The following VPS13D variants were observed in gnomAD, a reference collection of about 807,000 sequenced individuals.
VPS13D encodes intermembrane lipid transfer protein VPS13D.
VPS13D carries 187 observed loss-of-function variants against 461.9 expected under a neutral mutation model. That is an observed-to-expected ratio of 0.40 (90% CI 0.36 to 0.46). The LOEUF (loss-of-function observed/expected upper bound fraction) is 0.46, where lower values mean the gene tolerates loss of function less well. Among genes scored for constraint, VPS13D ranks in the 20% least tolerant of loss-of-function variants. The pLI, the probability that VPS13D is intolerant of heterozygous loss-of-function variation, is 0.60. For synonymous variants in VPS13D, 1,951 were observed against 1,986.3 expected (o/e 0.98, Z 0.47); for missense variants, 4,711 against 5,364.9 (o/e 0.88, Z 3.81).
intron 63 of VPS13D, among the ~76,000 whole-genome samples, chr1:12,408,375 G>A (rs1644682122): frequency 1.3e-5 from 2 of 151,978 alleles, no homozygotes; most frequent in African/African-American, 4.8e-5. Context: ...GGACTTTTTT[G>A]CGGGGTGGGG....
chr1:12,392,123 G>A (rs1018186809), intron 60 of VPS13D, among the ~76,000 whole-genome samples: 4 of 152,066 alleles, frequency 2.6e-5, no homozygotes, highest in Non-Finnish European at 5.9e-5. Context: ...AGGCCTCCCA[G>A]GGTCCTGGGA....
intron 68 of VPS13D, among the ~76,000 whole-genome samples, chr1:12,504,797 A>G (rs1013984700): frequency 1.3e-5 from 2 of 152,180 alleles, no homozygotes; most frequent in Non-Finnish European, 2.9e-5. Context: ...TCTGTTTGAA[A>G]GCCTATAGAA....
chr1:12,500,155 A>C, intron 68 of VPS13D: 1 of 985,072 alleles, frequency 1.0e-6, no homozygotes, highest in Non-Finnish European at 1.2e-6. Flanking sequence ...ATTCTCCCAG[A>C]TCGAGTTGCA....
At position 12,374,863 on chromosome 1, in the gene VPS13D, G is replaced by A. The variant is rs1055707950; in HGVS notation, c.10917+1005G>A. Among the ~76,000 whole-genome samples the A allele has an allele frequency of 4.6e-5, 7 of 152,126 alleles. No homozygotes were observed. In the East Asian group the frequency reaches 9.7e-4, roughly 21 times the overall value. ...AGTGATTCTCCTGCCTCAGCCTCCC[G>A]AGTAGCTGGGACTACAGGAGCCCAC... On this transcript the variant is annotated intron_variant, in intron 55 of 69. Coordinates refer to ENST00000620676, the MANE Select transcript of VPS13D (RefSeq NM_015378.4).
rs764472021 is a variant in VPS13D, at chr1:12,314,087, C to G, written c.6936-28C>G. The G allele has an allele frequency of 5.0e-6, 8 of 1,601,872 alleles. No homozygotes were observed. The Admixed American group carries it at 1.3e-4, about 27-fold the overall frequency. On this transcript the variant is annotated intron_variant, in intron 29 of 69. Coordinates refer to ENST00000620676, the MANE Select transcript of VPS13D (RefSeq NM_015378.4). ...AAAATGGAAGAGTTGTGTTTCACAT[C>G]TTGCTTGCTTTCTTTTCTCTCTTTT... is the stretch of plus-strand genomic sequence containing the variant.
intron 65 of VPS13D, among the ~76,000 whole-genome samples, chr1:12,446,334 T>A (rs1054799719): frequency 6.6e-6 from 1 of 151,880 alleles, no homozygotes; most frequent in Non-Finnish European, 1.5e-5. Context: ...GGAGAATTGC[T>A]TGACCCTAGG....
Position 12,316,368 on chromosome 1 carries a change from T to G in VPS13D, c.7149-1704T>G, listed in dbSNP as rs572531896. On this transcript the variant is annotated intron_variant, in intron 30 of 69. Coordinates refer to ENST00000620676, the MANE Select transcript of VPS13D (RefSeq NM_015378.4). ...AACGCCTTTCGTGTCTGAAGAAGAA[T>G]TACTCTTCTGTTGGGATCTTGTGTG... Among the ~76,000 whole-genome samples the G allele has an allele frequency of 3.9e-5, 6 of 152,318 alleles. No individual in the cohort carries two copies. In the South Asian group the frequency reaches 1.2e-3, roughly 32 times the overall value.
intron 37 of VPS13D, among the ~76,000 whole-genome samples, chr1:12,332,752 A>G (rs761284236): frequency 4.6e-5 from 7 of 152,174 alleles, no homozygotes; most frequent in Non-Finnish European, 8.8e-5. Context: ...TGTTGTTTAT[A>G]TAGTTTTTGT....
In VPS13D at chr1:12,345,320, T is replaced by G. The variant is rs1017757940; in HGVS notation, c.8886-54T>G. On this transcript the variant is annotated intron_variant, in intron 42 of 69. Coordinates refer to ENST00000620676, the MANE Select transcript of VPS13D (RefSeq NM_015378.4). ...CAGATTTGTGTCTTTGCTTCTACTTTTCATCCCTTCTGGAGATTGTGCCTA... is the reference window on the plus strand; with the variant it reads ...CAGATTTGTGTCTTTGCTTCTACTTGTCATCCCTTCTGGAGATTGTGCCTA... 2.6e-6 allele frequency: 4 copies of G among 1,552,442 alleles called. No homozygotes were observed. The African/African-American group carries it at 5.5e-5, about 21-fold the overall frequency.
chr1:12,413,196 T>G lies in VPS13D; in HGVS notation c.12031-1891T>G, dbSNP rs183516084. Among the ~76,000 whole-genome samples the G allele has an allele frequency of 9.6e-4, 146 of 152,220 alleles. 1 individual carries two copies. Among genetic ancestry groups the G allele is most frequent in the African/African-American group, 3.1e-3 (128 of 41,522 alleles). On this transcript the variant is annotated intron_variant, in intron 63 of 69. Transcript: ENST00000620676. ...TTGTTTGTTTGTTTGTTTTTGTTTTTGGTCGTTGTTTGTTTTAAGTGACAG... is the reference window on the plus strand; with the variant it reads ...TTGTTTGTTTGTTTGTTTTTGTTTTGGGTCGTTGTTTGTTTTAAGTGACAG...
At chr1:12,496,759 C>G (rs1176555321) in intron 67 of VPS13D, among the ~76,000 whole-genome samples, 1 of 152,238 alleles carries the variant, frequency 6.6e-6, no homozygotes, top group Non-Finnish European at 1.5e-5. Context: ...ACAACATCAG[C>G]CTACCCTGAA....
chr1:12,253,047 A>G (rs917836084), intron 6 of VPS13D, among the ~76,000 whole-genome samples: 11 of 151,026 alleles, frequency 7.3e-5, no homozygotes, highest in African/African-American at 2.4e-4. Context: ...AATCCCAGCT[A>G]TTCGGGAGGC....
Position 12,416,654 on chromosome 1 carries a change from T to C in VPS13D, c.12166-6T>C. On this transcript the variant is annotated splice_region_variant and splice_polypyrimidine_tract_variant and intron_variant, in intron 64 of 69. Coordinates refer to ENST00000620676, the MANE Select transcript of VPS13D (RefSeq NM_015378.4). Reference sequence around the variant, plus strand: ...TGGACTTTTCTCTTCCTGTTCCATTTGGCAGGAACTCCTCAGCCAGGCAGC... The same window carrying C: ...TGGACTTTTCTCTTCCTGTTCCATTCGGCAGGAACTCCTCAGCCAGGCAGC... 6.2e-7 allele frequency: 1 copy of C among 1,611,158 alleles called. No individual in the cohort carries two copies. The highest frequency in any genetic ancestry group is 8.5e-7 in the Non-Finnish European group (1 of 1,179,146).
intron 17 of VPS13D, among the ~76,000 whole-genome samples, chr1:12,272,223 G>A (rs532475061): frequency 7.2e-5 from 11 of 152,254 alleles, no homozygotes; most frequent in African/African-American, 2.6e-4. Flanking sequence ...AGTTTCTCAG[G>A]TGACATGGAG....
At chr1:12,355,407 A>C (rs899407587) in intron 47 of VPS13D, among the ~76,000 whole-genome samples, 1 of 152,248 alleles carries the variant, frequency 6.6e-6, no homozygotes, top group Non-Finnish European at 1.5e-5. Context: ...GGTGTATTTC[A>C]TAAGAGCTAG....
At chr1:12,391,559 T>C (rs947101454) in intron 60 of VPS13D, among the ~76,000 whole-genome samples, 5 of 152,126 alleles carry the variant, frequency 3.3e-5, no homozygotes, top group African/African-American at 1.2e-4. Context: ...GATGGGTGGG[T>C]CAGAAAGCAC....
chr1:12,300,633 T>C (rs753969391), intron 25 of VPS13D, among the ~76,000 whole-genome samples: 7 of 152,146 alleles, frequency 4.6e-5, no homozygotes, highest in African/African-American at 9.7e-5. Flanking sequence ...CTCATAACAG[T>C]GTTTGGAGGT....
rs1205902428 is a variant in VPS13D, at chr1:12,321,912, G to A, written c.7652G>A (p.Ser2551Asn). 3.1e-6 allele frequency: 5 copies of A among 1,613,540 alleles called. No individual in the cohort carries two copies. The South Asian group carries it at 4.4e-5, about 14-fold the overall frequency. Residue 2551 changes from serine to asparagine, a missense_variant, in exon 33 of 70, where the codon AGT becomes AAT. Coordinates refer to ENST00000620676, the MANE Select transcript of VPS13D (RefSeq NM_015378.4). Reference sequence around the variant, plus strand: ...GTGGGGAATTCTTCTTATCAAAATAGTTCAGGATTGATGGATGCATTCAAT... The same window carrying A: ...GTGGGGAATTCTTCTTATCAAAATAATTCAGGATTGATGGATGCATTCAAT... ...ELVGNSSYQN[S>N]SGLMDAFNSE...
In VPS13D at chr1:12,378,451, G is replaced by T. The variant is rs767700983; in HGVS notation, c.10941G>T (p.Leu3647=). ...AGGAACCAGGAAAGCGTTCTCAGCTGTGGAGGATGACAGGAACAGGAATGC... is the reference window on the plus strand; with the variant it reads ...AGGAACCAGGAAAGCGTTCTCAGCTTTGGAGGATGACAGGAACAGGAATGC... ...KKKEPGKRSQ[L]WRMTGTGMLA... is the part of the protein sequence containing the mutation. Residue 3647 remains leucine, a synonymous_variant, in exon 56 of 70, where the codon CTG becomes CTT. Transcript: ENST00000620676. 5.6e-6 allele frequency: 9 copies of T among 1,610,478 alleles called. No homozygotes were observed. In the Admixed American group the frequency reaches 1.5e-4, roughly 27 times the overall value.
Sources: allele counts gnomAD v4.1 joint callset (sites outside exome capture counted in the v4.1 genomes callset), GRCh38; gene constraint gnomAD v4.1.1; transcripts MANE v1.5; gene names NCBI Gene and HGNC (gene_info 2026-07-23, HGNC 2026-07-21).